DDX31: variants seen among roughly 807,000 people sequenced by gnomAD.
DDX31 encodes the protein DEAD-box helicase 31.
DDX31 carries 70 observed loss-of-function variants against 91.3 expected under a neutral mutation model. The observed-to-expected ratio is 0.77, with a 90% CI of 0.63 to 0.94. The LOEUF is 0.94. DDX31 is among the 40% of genes least tolerant of loss of function. DDX31 has a pLI of 0.00. For synonymous variants in DDX31, 362 were observed against 350.6 expected (o/e 1.03, Z -0.36); for missense variants, 902 against 925.0 (o/e 0.98, Z 0.32).
intron 1 of DDX31, chr9:132,669,589 C>CT (rs1564348832): frequency 6.7e-7 from 1 of 1,498,230 alleles, no homozygotes; most frequent in Non-Finnish European, 8.9e-7. Context: ...GAAACAGCCT[C>CT]TAATTCCTTC....
intron 1 of DDX31, among the ~76,000 whole-genome samples, chr9:132,667,555 A>G (rs1247459014): frequency 6.6e-6 from 1 of 152,104 alleles, no homozygotes; most frequent in Non-Finnish European, 1.5e-5. Context: ...GTGAGCAGAG[A>G]TCGCGCCACT....
intron 14 of DDX31, chr9:132,638,267 T>G: frequency 6.2e-7 from 1 of 1,605,114 alleles, no homozygotes; most frequent in Admixed American, 1.7e-5. Flanking sequence ...AGAAACTCCA[T>G]TTTCCGGCCA....
chr9:132,609,698 C>T (rs542353537), intron 19 of DDX31, among the ~76,000 whole-genome samples: 3 of 152,108 alleles, frequency 2.0e-5, no homozygotes, highest in South Asian at 2.1e-4. Context: ...CTCGGCTCAC[C>T]GCAACCTCTG....
intron 4 of DDX31, among the ~76,000 whole-genome samples, chr9:132,660,200 T>C (rs1192013228): frequency 1.3e-5 from 2 of 151,842 alleles, no homozygotes; most frequent in Non-Finnish European, 2.9e-5. Context: ...CTGGGAGTGA[T>C]GGCACGCACT....
chr9:132,599,935 T>G (rs142906610), intron 19 of DDX31, among the ~76,000 whole-genome samples: 83 of 152,342 alleles, frequency 5.4e-4, no homozygotes, highest in African/African-American at 1.8e-3. Context: ...GGACTGACTA[T>G]AAGTCTCTAC....
chr9:132,639,224 T>C (rs1833328455), intron 14 of DDX31, among the ~76,000 whole-genome samples: 1 of 152,072 alleles, frequency 6.6e-6, no homozygotes, highest in African/African-American at 2.4e-5. Context: ...CAAACAAGCA[T>C]GGCAGAAGAG....
intron 19 of DDX31, among the ~76,000 whole-genome samples, chr9:132,599,937 A>G (rs1209428222): frequency 1.3e-5 from 2 of 152,256 alleles, no homozygotes; most frequent in South Asian, 4.1e-4. Flanking sequence ...ACTGACTATA[A>G]GTCTCTACAC....
intron 7 of DDX31, 38 bp from the exon 8 acceptor site, chr9:132,651,154 T>A (rs1554769406): frequency 6.7e-7 from 1 of 1,501,980 alleles, no homozygotes; most frequent in Non-Finnish European, 9.0e-7. Flanking sequence ...ATGAACAGGA[T>A]CCCCCTTTTT....
At chr9:132,636,397 T>G (rs1292645368) in intron 14 of DDX31, among the ~76,000 whole-genome samples, 1 of 152,258 alleles carries the variant, frequency 6.6e-6, no homozygotes, top group Non-Finnish European at 1.5e-5. Flanking sequence ...TGTCTTTAAG[T>G]GCACTGCAGT....
rs969074063 is a variant in DDX31, at chr9:132,631,904, G to A, written c.1491+137C>T. ...GGAAAGATGTCAGGGGAATTGAACAGATAAGGCTGGTTTGCTGCCTGGTTA... is the reference window on the plus strand; with the variant it reads ...GGAAAGATGTCAGGGGAATTGAACAAATAAGGCTGGTTTGCTGCCTGGTTA... On this transcript the variant is annotated intron_variant, in intron 15 of 19. Transcript: ENST00000372159. The A allele has an allele frequency of 5.5e-6, 4 of 729,232 alleles. No homozygotes were observed. The African/African-American group carries it at 7.1e-5, about 13-fold the overall frequency. The allele number at this position is 729,232 out of a possible 1,614,324, so 45.2% of individuals were successfully genotyped here.
chr9:132,612,347 T>C, intron 18 of DDX31, 92 bp from the exon 19 acceptor site: 1 of 1,461,050 alleles, frequency 6.8e-7, no homozygotes, highest in Non-Finnish European at 9.5e-7. Flanking sequence ...CTGTACTTTA[T>C]CTTGCCAGGC....
intron 16 of DDX31, 111 bp from the exon 17 acceptor site, chr9:132,625,856 G>T: frequency 2.8e-6 from 2 of 705,500 alleles, no homozygotes; most frequent in South Asian, 1.8e-5. Context: ...AAGTAGAAGT[G>T]ACACCTTCCT....
chr9:132,669,837 G>T, intron 1 of DDX31, 23 bp downstream of exon 1: 1 of 1,558,696 alleles, frequency 6.4e-7, no homozygotes, highest in Non-Finnish European at 8.7e-7. Flanking sequence ...TGGGGACGGA[G>T]CTGAAGCCGG....
Position 132,662,317 on chromosome 9 carries a change from G to C in DDX31, c.352C>G (p.Gln118Glu). The change falls in exon 3 of 20, where the codon CAA becomes GAA. Residue 118 changes from glutamine (Q) to glutamate (E), a missense_variant. Coordinates refer to ENST00000372159, the MANE Select transcript of DDX31 (RefSeq NM_022779.9). ...ELHRPVVKQV[Q>E]EKVFTSAAFH... ...GCAGCTGAAGTAAACACTTTTTCTT[G>C]CACCTGCTTTACCACAGGTCTGCAA... is the stretch of plus-strand genomic sequence containing the variant. 6.2e-7 allele frequency: 1 copy of C among 1,614,182 alleles called. No homozygotes were observed. Among genetic ancestry groups the C allele is most frequent in the South Asian group, 1.1e-5 (1 of 91,080 alleles).
rs1054433464 is a variant in DDX31, at chr9:132,658,601, C to A, written c.588+70G>T. ...ACAGATTCTTTTAGTCCTAATATTTCTGTTATGCTTCAGTTTGATGGTTGC... is the reference window on the plus strand; with the variant it reads ...ACAGATTCTTTTAGTCCTAATATTTATGTTATGCTTCAGTTTGATGGTTGC... On this transcript the variant is annotated intron_variant, in intron 6 of 19. Transcript: ENST00000372159. 24 of 1,385,316 alleles carry A rather than the reference C, an allele frequency of 1.7e-5. No individual in the cohort carries two copies. In the African/African-American group the frequency reaches 2.7e-4, roughly 16 times the overall value. 85.8% of individuals were successfully genotyped at this position (1,385,316 alleles called of 1,614,324 possible). A position where few individuals can be genotyped will look rare whatever the true frequency, so the allele number is the denominator to read the frequency against.
rs573386934 is a variant in DDX31, at chr9:132,665,332, G to C, written c.76-2637C>G. 1.9e-4 allele frequency among the ~76,000 whole-genome samples: 29 copies of C among 152,264 alleles called. 1 individual carries two copies. The South Asian group carries it at 6.0e-3, about 32-fold the overall frequency. ...CATTTAGCAGTTGTCAAGAAGCTTC[G>C]TTCTGAAGATACAAAGTAGATTTGC... On this transcript the variant is annotated intron_variant, in intron 1 of 19. Coordinates refer to ENST00000372159, the MANE Select transcript of DDX31 (RefSeq NM_022779.9).
chr9:132,623,892 T>G (rs1165459522), intron 17 of DDX31, among the ~76,000 whole-genome samples: 1 of 151,458 alleles, frequency 6.6e-6, no homozygotes, highest in African/African-American at 2.4e-5. Flanking sequence ...AAAGGCCGGC[T>G]ACGGTGGCTC....
chr9:132,643,754 A>G lies in DDX31; in HGVS notation c.1381-1691T>C, dbSNP rs1268987520. Among the ~76,000 whole-genome samples, 5 of 152,344 alleles carry G rather than the reference A, an allele frequency of 3.3e-5. No individual in the cohort carries two copies. In the East Asian group the frequency reaches 5.8e-4, roughly 18 times the overall value. ...GAGCTGTGTTCCGGAGTCAGTGCTC[A>G]GACCCTCAAAAGGACAGATCCATTT... On this transcript the variant is annotated intron_variant, in intron 13 of 19. Coordinates refer to ENST00000372159, the MANE Select transcript of DDX31 (RefSeq NM_022779.9).
At chr9:132,638,206 C>A in intron 14 of DDX31, 1 of 1,496,974 alleles carries the variant, frequency 6.7e-7, no homozygotes. Context: ...TCAAGGACAG[C>A]CACCGGAGAC....
Sources: allele counts gnomAD v4.1 joint callset (sites outside exome capture counted in the v4.1 genomes callset), GRCh38; gene constraint gnomAD v4.1.1; transcripts MANE v1.5; gene names NCBI Gene and HGNC (gene_info 2026-07-23, HGNC 2026-07-21).